The following SOX13 variants were observed in gnomAD, a reference collection of about 807,000 sequenced individuals.
The protein encoded by SOX13 is SRY-box transcription factor 13, also known as transcription factor SOX-13.
A neutral mutation model predicts 71.8 loss-of-function variants in SOX13; 28 were observed. The observed-to-expected ratio is 0.39, with a 90% CI of 0.29 to 0.53. The LOEUF is 0.53. Among genes scored for constraint, SOX13 ranks in the 20% least tolerant of loss-of-function variants. The pLI is 0.70. For missense variants in SOX13, 627 were observed against 810.3 expected (o/e 0.77, Z 2.75); for synonymous variants, 309 against 317.8 (o/e 0.97, Z 0.29).
intron 1 of SOX13, among the ~76,000 whole-genome samples, chr1:204,102,125 T>A (rs1363249760): frequency 6.6e-6 from 1 of 152,174 alleles, no homozygotes; most frequent in Non-Finnish European, 1.5e-5. Context: ...GAGGGCTTAG[T>A]CTACATGGCT....
chr1:204,075,953 C>T (rs1422550093), intron 1 of SOX13, among the ~76,000 whole-genome samples: 1 of 152,186 alleles, frequency 6.6e-6, no homozygotes, highest in Admixed American at 6.5e-5. Flanking sequence ...TATAACATTG[C>T]CCACTTCTGG....
At position 204,097,458 on chromosome 1, in the gene SOX13, G is replaced by A. The variant is rs186348082; in HGVS notation, c.-1-15457G>A. ...TGTAATCCCAGCACTTTGGGAGGCC[G>A]AGGTGGGTGGATCACCTGAGGTCGG... On this transcript the variant is annotated intron_variant, in intron 1 of 13. Coordinates refer to ENST00000367204, the MANE Select transcript of SOX13 (RefSeq NM_005686.3). Among the ~76,000 whole-genome samples, 123 of 152,202 alleles carry A rather than the reference G, an allele frequency of 8.1e-4. No individual in the cohort carries two copies. The East Asian group carries it at 0.022, about 27-fold the overall frequency.
intron 13 of SOX13, 146 bp downstream of exon 13, chr1:204,125,003 T>C (rs983940450): frequency 4.6e-6 from 3 of 656,972 alleles, no homozygotes; most frequent in Non-Finnish European, 8.2e-6. Context: ...TATCTGTGTA[T>C]AGCTGAGCCT....
chr1:204,085,942 C>T (rs924696751), intron 1 of SOX13, among the ~76,000 whole-genome samples: 1 of 150,182 alleles, frequency 6.7e-6, no homozygotes, highest in Admixed American at 6.6e-5. Flanking sequence ...GCACTTCAGC[C>T]TGGGCAACAA....
chr1:204,100,086 G>C (rs1306876816), intron 1 of SOX13, among the ~76,000 whole-genome samples: 2 of 152,206 alleles, frequency 1.3e-5, no homozygotes, highest in Non-Finnish European at 1.5e-5. Flanking sequence ...GCTGTAGTGA[G>C]CTGTGATTGT....
At chr1:204,079,508 G>T (rs1205333745) in intron 1 of SOX13, among the ~76,000 whole-genome samples, 1 of 152,076 alleles carries the variant, frequency 6.6e-6, no homozygotes, top group East Asian at 2.0e-4. Flanking sequence ...ACCACGCCCG[G>T]CTAATTTTTG....
intron 1 of SOX13, among the ~76,000 whole-genome samples, chr1:204,077,569 A>C (rs769071917): frequency 6.6e-6 from 1 of 152,230 alleles, no homozygotes; most frequent in Non-Finnish European, 1.5e-5. Context: ...TTACATAAGA[A>C]GTGAAAAAAT....
In SOX13 at chr1:204,078,994, G is replaced by T. The variant is rs572922890; in HGVS notation, c.-2+5283G>T. 5.9e-5 allele frequency among the ~76,000 whole-genome samples: 9 copies of T among 152,274 alleles called. No individual in the cohort carries two copies. In the East Asian group the frequency reaches 1.7e-3, roughly 29 times the overall value. On this transcript the variant is annotated intron_variant, in intron 1 of 13. Transcript: ENST00000367204. ...GCCCCATGGTGATGAAGCCTTTGCA[G>T]CTCCCCTAGGAAAAGATTTCTGGGC...
At chr1:204,096,806 A>G (rs1423779911) in intron 1 of SOX13, among the ~76,000 whole-genome samples, 1 of 151,990 alleles carries the variant, frequency 6.6e-6, no homozygotes, top group Non-Finnish European at 1.5e-5. Flanking sequence ...TTCATTTTAC[A>G]TTCCCATCAG....
At chr1:204,121,804 G>A in intron 7 of SOX13, 96 bp from the exon 8 acceptor site, 2 of 856,120 alleles carry the variant, frequency 2.3e-6, no homozygotes, top group Non-Finnish European at 3.9e-6. Context: ...CCAGTGCCGA[G>A]CCATTGCCCA....
At position 204,077,142 on chromosome 1, in the gene SOX13, G is replaced by A. The variant is rs554998245; in HGVS notation, c.-2+3431G>A. Among the ~76,000 whole-genome samples the A allele has an allele frequency of 2.6e-5, 4 of 152,330 alleles. No individual in the cohort carries two copies. The East Asian group carries it at 7.7e-4, about 29-fold the overall frequency. On this transcript the variant is annotated intron_variant, in intron 1 of 13. Coordinates refer to ENST00000367204, the MANE Select transcript of SOX13 (RefSeq NM_005686.3). Reference sequence around the variant, plus strand: ...TGAGGAGCCAGCTGCATAAAGACCTGGAGACAGGGGATTGCAGGTAGAGGG... The same window carrying A: ...TGAGGAGCCAGCTGCATAAAGACCTAGAGACAGGGGATTGCAGGTAGAGGG...
At chr1:204,116,039 A>T (rs1656685789) in intron 4 of SOX13, 2 of 546,612 alleles carry the variant, frequency 3.7e-6, no homozygotes, top group South Asian at 4.3e-5. Context: ...AAGATTTTGA[A>T]AACCCTAAAG....
chr1:204,109,855 G>A (rs111901033), intron 1 of SOX13, among the ~76,000 whole-genome samples: 4 of 150,984 alleles, frequency 2.6e-5, no homozygotes, highest in East Asian at 3.9e-4. Context: ...TTTTTGAGAC[G>A]GAGTTTCGCT....
intron 12 of SOX13, 23 bp from the exon 13 acceptor site, chr1:204,124,618 C>G: frequency 6.3e-7 from 1 of 1,590,220 alleles, no homozygotes; most frequent in Non-Finnish European, 8.6e-7. Context: ...CACTGACTGC[C>G]TGCCCCTGGG....
intron 1 of SOX13, among the ~76,000 whole-genome samples, chr1:204,106,221 G>A (rs1406804639): frequency 6.6e-6 from 1 of 152,188 alleles, no homozygotes; most frequent in South Asian, 2.1e-4. Context: ...TTGCTGCTGG[G>A]GGTATTTAGG....
Position 204,116,004 on chromosome 1 carries a change from G to A in SOX13, c.419-503G>A, listed in dbSNP as rs151176723. ...TTATCCCTCATAGTAACCCTCTGAG[G>A]TGATTATTATTATGCCCACTTACCA... On this transcript the variant is annotated intron_variant, in intron 4 of 13. Coordinates refer to ENST00000367204, the MANE Select transcript of SOX13 (RefSeq NM_005686.3). 1.0e-3 allele frequency: 385 copies of A among 369,946 alleles called. 3 individuals are homozygous for A. Among genetic ancestry groups the A allele is most frequent in the Middle Eastern group, 7.9e-3 (8 of 1,014 alleles). 22.9% of individuals were successfully genotyped at this position (369,946 alleles called of 1,614,324 possible). A position where few individuals can be genotyped will look rare whatever the true frequency, so the allele number is the denominator to read the frequency against.
At chr1:204,085,674 A>G (rs10793753) in intron 1 of SOX13, among the ~76,000 whole-genome samples, 135,802 of 150,926 alleles carry the variant, frequency 0.9, 61,379 homozygotes, top group African/African-American at 0.98. Context: ...GAAAGTGCAT[A>G]TTTAAAAAAA....
rs762927243 is a variant in SOX13, at chr1:204,114,569, C to T, written c.382C>T (p.Leu128=). ...GTCCAGTGACTGGAAGGAGAGGTTTCTAGGAAGGAACTCTATGGAAGCCAA... is the reference window on the plus strand; with the variant it reads ...GTCCAGTGACTGGAAGGAGAGGTTTTTAGGAAGGAACTCTATGGAAGCCAA... The part of the protein sequence containing the change: ...LLSSDWKERF[L]GRNSMEAKDV... The change falls in exon 4 of 14, where the codon CTA becomes TTA. Residue 128 remains leucine, a synonymous_variant. Coordinates refer to ENST00000367204, the MANE Select transcript of SOX13 (RefSeq NM_005686.3). The T allele has an allele frequency of 1.2e-6, 2 of 1,613,674 alleles. No individual in the cohort carries two copies. The highest frequency in any genetic ancestry group is 1.7e-6 in the Non-Finnish European group (2 of 1,179,800).
Position 204,117,664 on chromosome 1 carries a change from C to T in SOX13, c.732C>T (p.Asp244=), listed in dbSNP as rs200747952. 2.2e-5 allele frequency: 35 copies of T among 1,613,710 alleles called. No homozygotes were observed. The highest frequency in any genetic ancestry group is 2.9e-5 in the Non-Finnish European group (34 of 1,179,848). The change falls in exon 7 of 14, where the codon GAC becomes GAT. Residue 244 remains aspartate (D), a synonymous_variant. Transcript: ENST00000367204. The part of the protein sequence containing the change: ...PSHQPLPVTP[D]SQLALPIQPI... Reference sequence around the variant, plus strand: ...ACCAACCTCTGCCTGTCACCCCTGACTCCCAGCTGGCCTTACCCATTCAGC... The same window carrying T: ...ACCAACCTCTGCCTGTCACCCCTGATTCCCAGCTGGCCTTACCCATTCAGC...
Sources: allele counts gnomAD v4.1 joint callset (sites outside exome capture counted in the v4.1 genomes callset), GRCh38; gene constraint gnomAD v4.1.1; transcripts MANE v1.5; gene names NCBI Gene and HGNC (gene_info 2026-07-23, HGNC 2026-07-21).